Variants in AKAP7 observed in about 807,000 individuals in gnomAD.
AKAP7 encodes A kinase (PRKA) anchor protein 7.
AKAP7 carries 39 observed loss-of-function variants against 39.5 expected under a neutral mutation model. The observed-to-expected ratio is 0.99, with a 90% CI of 0.76 to 1.29. AKAP7 has a LOEUF of 1.29. Among genes scored for constraint, AKAP7 ranks in the 50% most tolerant of loss-of-function variants. The probability of loss-of-function intolerance (pLI) is 0.00; values close to 1 mark genes in which losing one functional copy is unlikely to be tolerated. For missense variants in AKAP7, 414 were observed against 407.7 expected (o/e 1.02, Z -0.13); for synonymous variants, 140 against 139.1 (o/e 1.01, Z -0.05).
At chr6:131,280,492 A>C (rs2128340757) in intron 7 of AKAP7, among the ~76,000 whole-genome samples, 1 of 152,266 alleles carries the variant, frequency 6.6e-6, no homozygotes, top group South Asian at 2.1e-4. Context: ...TCCAGCTCAC[A>C]CCCTTTGTAT....
chr6:131,165,124 A>C lies in AKAP7; in HGVS notation c.335A>C (p.Gln112Pro). ...IKILQNAIIQ[Q>P]DERLAKAMVS... ...ATCCTGCAGAATGCAATAATACAACAAGATGAGCGACTGGCCAAAGCAATG... is the reference window on the plus strand; with the variant it reads ...ATCCTGCAGAATGCAATAATACAACCAGATGAGCGACTGGCCAAAGCAATG... Residue 112 changes from glutamine to proline, a missense_variant, in exon 4 of 8, where the codon CAA (glutamine) becomes CCA (proline). Physicochemically the swap from Gln to Pro is moderately conservative, Grantham distance 76. Transcript: ENST00000431975. 6.2e-7 allele frequency: 1 copy of C among 1,612,008 alleles called. No individual in the cohort carries two copies. Among genetic ancestry groups the C allele is most frequent in the Non-Finnish European group, 8.5e-7 (1 of 1,178,626 alleles).
intron 3 of AKAP7, chr6:131,164,192 C>T (rs755801337): frequency 6.3e-6 from 2 of 317,980 alleles, no homozygotes; most frequent in East Asian, 1.6e-4. Flanking sequence ...CACTCTTTCC[C>T]TTTTTTTCTA....
chr6:131,170,596 A>G (rs766989620), intron 5 of AKAP7, among the ~76,000 whole-genome samples: 4 of 152,194 alleles, frequency 2.6e-5, no homozygotes, highest in Non-Finnish European at 5.9e-5. Flanking sequence ...TATGTGATCT[A>G]TTGGGACATC....
intron 7 of AKAP7, among the ~76,000 whole-genome samples, chr6:131,270,853 C>T (rs540850146): frequency 5.9e-5 from 9 of 152,200 alleles, no homozygotes; most frequent in South Asian, 2.1e-4. Flanking sequence ...ACATGTTTAT[C>T]GACCATCTGT....
chr6:131,239,284 G>A (rs1026619713), intron 7 of AKAP7, among the ~76,000 whole-genome samples: 2 of 152,256 alleles, frequency 1.3e-5, no homozygotes, highest in Admixed American at 6.5e-5. Context: ...TCAGCTGTTA[G>A]TCTGATGGGC....
intron 7 of AKAP7, chr6:131,250,566 C>A (rs963423951): frequency 6.2e-7 from 1 of 1,613,990 alleles, no homozygotes; most frequent in Non-Finnish European, 8.5e-7. Flanking sequence ...AGGACCAGTG[C>A]CATGGGCCAG....
At chr6:131,126,123 G>C in the AKAP7 span, among the ~76,000 whole-genome samples, 1 of 152,084 alleles carries the variant, frequency 6.6e-6, no homozygotes, top group East Asian at 1.9e-4. Context: ...TATATTTCTG[G>C]ACAAATTTGA....
intron 5 of AKAP7, chr6:131,185,120 G>A (rs967677060): frequency 7.0e-5 from 44 of 630,620 alleles, no homozygotes; most frequent in Non-Finnish European, 1.3e-4. Context: ...GGGGGTCAGT[G>A]TGCAACAGAA....
intron 6 of AKAP7, among the ~76,000 whole-genome samples, chr6:131,205,381 G>A (rs1252047083): frequency 6.6e-6 from 1 of 152,068 alleles, no homozygotes; most frequent in Non-Finnish European, 1.5e-5. Context: ...CCCCTGGGAG[G>A]TCGTACAGAT....
intron 5 of AKAP7, among the ~76,000 whole-genome samples, chr6:131,175,389 A>G (rs1269367816): frequency 6.6e-6 from 1 of 152,196 alleles, no homozygotes; most frequent in Non-Finnish European, 1.5e-5. Context: ...CCTAATTTTC[A>G]TGGAGAGAGT....
intron 6 of AKAP7, chr6:131,200,186 C>T (rs937461112): frequency 6.6e-6 from 1 of 152,258 alleles, no homozygotes; most frequent in Non-Finnish European, 1.5e-5. Flanking sequence ...TTTTGACTTC[C>T]CCTGTCTCAG....
Position 131,270,608 on chromosome 6 carries a change from G to A in AKAP7, c.851-10922G>A, listed in dbSNP as rs73774719. ...AGCTAGAAGTAGATTAATGGGTTGCGTTGTAAGAATATGGTCAACTTTTTA... is the reference window on the plus strand; with the variant it reads ...AGCTAGAAGTAGATTAATGGGTTGCATTGTAAGAATATGGTCAACTTTTTA... On this transcript the variant is annotated intron_variant, in intron 7 of 7. Transcript: ENST00000431975. Among the ~76,000 whole-genome samples the A allele has an allele frequency of 3.8e-3, 571 of 152,264 alleles. 2 individuals are homozygous for A. Among genetic ancestry groups the A allele is most frequent in the African/African-American group, 8.2e-3 (340 of 41,568 alleles).
intron 7 of AKAP7, among the ~76,000 whole-genome samples, chr6:131,278,960 C>G (rs985163720): frequency 2.6e-5 from 4 of 152,132 alleles, no homozygotes; most frequent in African/African-American, 9.7e-5. Context: ...ATGTTGGAAG[C>G]TGACAGTGGA....
chr6:131,156,289 A>G (rs186098048), intron 2 of AKAP7, among the ~76,000 whole-genome samples: 13 of 151,588 alleles, frequency 8.6e-5, no homozygotes, highest in Admixed American at 7.9e-4. Flanking sequence ...ATTTTACCTT[A>G]AAAAAAGGGG....
At chr6:131,235,215 T>C (rs1585144853) in intron 7 of AKAP7, among the ~76,000 whole-genome samples, 2 of 152,222 alleles carry the variant, frequency 1.3e-5, no homozygotes, top group South Asian at 2.1e-4. Context: ...GCTTCATCCA[T>C]GTCCCTACAA....
At chr6:131,163,792 G>A (rs1374966148) in intron 3 of AKAP7, among the ~76,000 whole-genome samples, 1 of 152,066 alleles carries the variant, frequency 6.6e-6, no homozygotes, top group African/African-American at 2.4e-5. Flanking sequence ...ATTTTGATGG[G>A]GGTACAGTAA....
intron 7 of AKAP7, among the ~76,000 whole-genome samples, chr6:131,269,388 T>C (rs1814085921): frequency 6.6e-6 from 1 of 152,184 alleles, no homozygotes. Context: ...GAATTGCACC[T>C]CTCAATCAGT....
At chr6:131,273,242 A>C (rs577885472) in intron 7 of AKAP7, among the ~76,000 whole-genome samples, 6 of 152,220 alleles carry the variant, frequency 3.9e-5, no homozygotes, top group African/African-American at 1.4e-4. Flanking sequence ...TTTGGTACAC[A>C]TCATAGTTGA....
At chr6:131,212,983 T>G (rs1287596965) in intron 6 of AKAP7, among the ~76,000 whole-genome samples, 1 of 152,218 alleles carries the variant, frequency 6.6e-6, no homozygotes, top group African/African-American at 2.4e-5. Context: ...TCTTGTACAC[T>G]GTCTAGGGAC....
Sources: allele counts gnomAD v4.1 joint callset (sites outside exome capture counted in the v4.1 genomes callset), GRCh38; gene constraint gnomAD v4.1.1; transcripts MANE v1.5; gene names NCBI Gene and HGNC (gene_info 2026-07-23, HGNC 2026-07-21).